The following ATG5 variants were observed in gnomAD, a reference collection of about 807,000 sequenced individuals.
ATG5 encodes autophagy related 5.
ATG5 carries 14 observed loss-of-function variants against 36.5 expected under a neutral mutation model. That is an observed-to-expected ratio of 0.38 (90% confidence interval 0.25 to 0.60). The LOEUF (loss-of-function observed/expected upper bound fraction) is 0.60, where lower values mean the gene tolerates loss of function less well. Ranked by LOEUF, ATG5 falls within the 20% of genes least tolerant of loss-of-function variation. The probability of loss-of-function intolerance (pLI) is 0.60; values close to 1 mark genes in which losing one functional copy is unlikely to be tolerated. For synonymous variants in ATG5, 95 were observed against 101.5 expected (o/e 0.94, Z 0.38); for missense variants, 195 against 326.7 (o/e 0.60, Z 3.11).
chr6:106,220,341 T>A (rs888891542), intron 6 of ATG5, among the ~76,000 whole-genome samples: 9 of 152,142 alleles, frequency 5.9e-5, no homozygotes, highest in African/African-American at 2.2e-4. Context: ...ACAATCTGCA[T>A]GCACTGCAAA....
chr6:106,223,535 C>T (rs186264100), intron 6 of ATG5, among the ~76,000 whole-genome samples: 3 of 152,248 alleles, frequency 2.0e-5, no homozygotes, highest in Admixed American at 2.0e-4. Context: ...ACTCAATTTA[C>T]CTATTTCTTT....
At chr6:106,245,371 C>T (rs552050923) in intron 6 of ATG5, among the ~76,000 whole-genome samples, 1 of 152,314 alleles carries the variant, frequency 6.6e-6, no homozygotes, top group Admixed American at 6.5e-5. Context: ...GCAGACTTCA[C>T]TTTTCATGAT....
chr6:106,272,147 GTA>G (rs1779477268), intron 5 of ATG5, among the ~76,000 whole-genome samples: 1 of 152,118 alleles, frequency 6.6e-6, no homozygotes, highest in Admixed American at 6.5e-5. Context: ...ATCACCACTG[GTA>G]TAGACCACTG....
chr6:106,260,531 G>A (rs1403157042), intron 5 of ATG5, among the ~76,000 whole-genome samples: 1 of 152,108 alleles, frequency 6.6e-6, no homozygotes, highest in Non-Finnish European at 1.5e-5. Context: ...GACTAAACAT[G>A]CTTTATTTTA....
chr6:106,238,134 T>C (rs1222891915), intron 6 of ATG5, among the ~76,000 whole-genome samples: 2 of 152,200 alleles, frequency 1.3e-5, no homozygotes, highest in African/African-American at 4.8e-5. Context: ...TTTCTTGTCT[T>C]TACATATGAG....
chr6:106,228,781 C>T (rs1290167541), intron 6 of ATG5, among the ~76,000 whole-genome samples: 4 of 152,176 alleles, frequency 2.6e-5, no homozygotes, highest in South Asian at 2.1e-4. Flanking sequence ...CGGTTAAAAA[C>T]GATTAGCATG....
chr6:106,206,578 A>G (rs1776643825), intron 6 of ATG5, among the ~76,000 whole-genome samples: 1 of 151,834 alleles, frequency 6.6e-6, no homozygotes. Context: ...TGAACCCAGA[A>G]GGCAGAGGTT....
At chr6:106,226,044 C>G (rs536886619) in intron 6 of ATG5, among the ~76,000 whole-genome samples, 3 of 152,252 alleles carry the variant, frequency 2.0e-5, no homozygotes, top group East Asian at 3.9e-4. Flanking sequence ...TATGGGAAAC[C>G]CTGAGGCTCT....
intron 5 of ATG5, among the ~76,000 whole-genome samples, chr6:106,265,277 G>C (rs1779185963): frequency 6.6e-6 from 1 of 151,662 alleles, no homozygotes; most frequent in Admixed American, 6.6e-5. Flanking sequence ...TAATGGTAAA[G>C]GGATCAATGC....
chr6:106,275,731 G>A (rs1264417334), intron 5 of ATG5, among the ~76,000 whole-genome samples: 2 of 152,156 alleles, frequency 1.3e-5, no homozygotes, highest in African/African-American at 4.8e-5. Context: ...GCTACATTAT[G>A]TTATACCCAG....
chr6:106,189,988 C>T (rs1384607957), intron 7 of ATG5, among the ~76,000 whole-genome samples: 4 of 152,036 alleles, frequency 2.6e-5, no homozygotes, highest in Admixed American at 2.6e-4. Context: ...TTACAGTGTA[C>T]CATTTCTAAT....
intron 5 of ATG5, among the ~76,000 whole-genome samples, chr6:106,251,788 G>A (rs1301132965): frequency 6.6e-6 from 1 of 151,328 alleles, no homozygotes; most frequent in African/African-American, 2.4e-5. Flanking sequence ...AAGGAGGAGA[G>A]AAAATCAGTG....
intron 5 of ATG5, among the ~76,000 whole-genome samples, chr6:106,269,631 C>T (rs1478962390): frequency 6.6e-6 from 1 of 152,232 alleles, no homozygotes; most frequent in Non-Finnish European, 1.5e-5. Flanking sequence ...GTACACCCTC[C>T]GCAGCCGCTG....
chr6:106,294,846 A>G (rs933108781), intron 3 of ATG5, among the ~76,000 whole-genome samples: 5 of 119,988 alleles, frequency 4.2e-5, no homozygotes, highest in African/African-American at 1.1e-4. Context: ...TTTTCTCAAG[A>G]AAAAAAAAAA....
intron 3 of ATG5, among the ~76,000 whole-genome samples, chr6:106,295,974 AT>A (rs1197958293): frequency 3.9e-5 from 6 of 152,178 alleles, no homozygotes; most frequent in African/African-American, 1.4e-4. Flanking sequence ...AACTATAAAT[AT>A]TTTAAAAATG....
intron 2 of ATG5, among the ~76,000 whole-genome samples, chr6:106,311,798 G>T (rs914765356): frequency 4.0e-5 from 6 of 151,836 alleles, no homozygotes; most frequent in Middle Eastern, 6.8e-3. Context: ...CTAAAAGCAG[G>T]AAACTGGTTA....
At chr6:106,305,430 TTA>T (rs1194079291) in intron 3 of ATG5, among the ~76,000 whole-genome samples, 2 of 152,200 alleles carry the variant, frequency 1.3e-5, no homozygotes, top group African/African-American at 4.8e-5. Context: ...GTCAAGGACT[TTA>T]GTTTTTTTTT....
At chr6:106,308,540 T>G in intron 2 of ATG5, 49 bp from the exon 3 acceptor site, 1 of 1,347,962 alleles carries the variant, frequency 7.4e-7, no homozygotes. Context: ...TTATTATTTT[T>G]AAAAAATACT....
intron 3 of ATG5, among the ~76,000 whole-genome samples, chr6:106,307,700 C>T (rs1245337794): frequency 1.3e-5 from 2 of 152,072 alleles, no homozygotes; most frequent in African/African-American, 4.8e-5. Context: ...CCACGCCCAA[C>T]TAATTTTGTA....
Sources: allele counts gnomAD v4.1 joint callset (sites outside exome capture counted in the v4.1 genomes callset), GRCh38; gene constraint gnomAD v4.1.1; transcripts MANE v1.5; gene names NCBI Gene and HGNC (gene_info 2026-07-23, HGNC 2026-07-21).